DNAH11: variants seen among roughly 807,000 people sequenced by gnomAD.
The protein encoded by DNAH11 is dynein axonemal heavy chain 11, also known as axonemal beta dynein heavy chain 11.
Under a neutral mutation model 526.0 loss-of-function variants are expected in DNAH11, and 442 were observed. The ratio of observed to expected loss-of-function variants is 0.84; its 90% confidence interval spans 0.78 to 0.91. DNAH11 has a LOEUF of 0.91. Among genes scored for constraint, DNAH11 ranks in the 40% least tolerant of loss-of-function variants. The pLI is 0.00. For synonymous variants in DNAH11, 2,461 were observed against 1,935.9 expected (o/e 1.27, Z -7.12); for missense variants, 6,989 against 5,448.7 (o/e 1.28, Z -8.90).
rs375965591 is a variant in DNAH11, at chr7:21,842,553, G to C, written c.10701G>C (p.Arg3567Ser). The change falls in exon 66 of 82, where the codon AGG becomes AGC. Residue 3567 changes from arginine to serine, a missense_variant. Physicochemically the swap from Arg to Ser is moderately radical, Grantham distance 110 (BLOSUM62 -1). Coordinates refer to ENST00000409508, the MANE Select transcript of DNAH11 (RefSeq NM_001277115.2). ...GTTTTGCTCCGTTTAGGTATATCAGGATTGGAGATAAAGAATGTGAATTTA... is the reference window on the plus strand; with the variant it reads ...GTTTTGCTCCGTTTAGGTATATCAGCATTGGAGATAAAGAATGTGAATTTA... ...RNTIKKGKYI[R>S]IGDKECEFNK... The C allele has an allele frequency of 3.1e-6, 5 of 1,613,684 alleles. No homozygotes were observed. Among genetic ancestry groups the C allele is most frequent in the African/African-American group, 2.7e-5 (2 of 74,930 alleles).
At chr7:21,673,640 C>G (rs1306238669) in intron 30 of DNAH11, among the ~76,000 whole-genome samples, 1 of 152,162 alleles carries the variant, frequency 6.6e-6, no homozygotes, top group Non-Finnish European at 1.5e-5. Context: ...GTTTCTCGCT[C>G]TTGCTCATTC....
At chr7:21,740,800 A>G (rs1401553768) in intron 48 of DNAH11, among the ~76,000 whole-genome samples, 1 of 152,180 alleles carries the variant, frequency 6.6e-6, no homozygotes, top group Middle Eastern at 3.2e-3. Flanking sequence ...GAATCATCAT[A>G]CTGTTTTCCA....
At chr7:21,742,955 T>A (rs1196959080) in intron 49 of DNAH11, among the ~76,000 whole-genome samples, 1 of 152,164 alleles carries the variant, frequency 6.6e-6, no homozygotes, top group Admixed American at 6.5e-5. Flanking sequence ...GGTCTCTGCT[T>A]CCAAAATGGT....
intron 8 of DNAH11, among the ~76,000 whole-genome samples, chr7:21,576,135 C>A (rs1032394266): frequency 6.6e-6 from 1 of 151,890 alleles, no homozygotes. Context: ...TACCTGCCAG[C>A]GATGGAGATT....
At chr7:21,796,349 C>T (rs1788714002) in intron 61 of DNAH11, among the ~76,000 whole-genome samples, 1 of 152,038 alleles carries the variant, frequency 6.6e-6, no homozygotes. Flanking sequence ...TGCAGTTGGG[C>T]ACAGGAGGGA....
intron 79 of DNAH11, among the ~76,000 whole-genome samples, chr7:21,897,096 C>T (rs796669855): frequency 9.9e-5 from 15 of 152,124 alleles, no homozygotes; most frequent in African/African-American, 3.6e-4. Flanking sequence ...TATATTTCAT[C>T]GTCCATAATT....
chr7:21,654,003 A>T lies in DNAH11; in HGVS notation c.4945-1829A>T, dbSNP rs535265901. ...AACTGCACTTCCAGAAAAGTTTGTTACAGCAGTGGCGCCTGTATGCTTGGA... is the reference window on the plus strand; with the variant it reads ...AACTGCACTTCCAGAAAAGTTTGTTTCAGCAGTGGCGCCTGTATGCTTGGA... On this transcript the variant is annotated intron_variant, in intron 28 of 81. Transcript: ENST00000409508. Among the ~76,000 whole-genome samples, 10 of 152,290 alleles carry T rather than the reference A, an allele frequency of 6.6e-5. No individual in the cohort carries two copies. The East Asian group carries it at 1.9e-3, about 29-fold the overall frequency.
rs114850986 is a variant in DNAH11 at position 21,781,578 on chromosome 7, A to G, written c.9483+2474A>G. On this transcript the variant is annotated intron_variant, in intron 57 of 81. Coordinates refer to ENST00000409508, the MANE Select transcript of DNAH11 (RefSeq NM_001277115.2). ...GAGGCGCCTTCTAAATTGAAGCGCTAATATCATCTCTTCAAAAGTTGAGCA... is the reference window on the plus strand; with the variant it reads ...GAGGCGCCTTCTAAATTGAAGCGCTGATATCATCTCTTCAAAAGTTGAGCA... Among the ~76,000 whole-genome samples the G allele has an allele frequency of 9.7e-3, 1,479 of 152,316 alleles. 25 individuals are homozygous for G. Among genetic ancestry groups the G allele is most frequent in the African/African-American group, 0.034 (1,402 of 41,562 alleles).
At chr7:21,682,556 G>A (rs1175238395) in intron 31 of DNAH11, among the ~76,000 whole-genome samples, 1 of 150,148 alleles carries the variant, frequency 6.7e-6, no homozygotes, top group Admixed American at 6.6e-5. Flanking sequence ...AAAAATTTCT[G>A]TGTGTCTTTA....
intron 54 of DNAH11, among the ~76,000 whole-genome samples, chr7:21,753,667 T>C (rs1250883086): frequency 6.6e-6 from 1 of 152,206 alleles, no homozygotes; most frequent in Non-Finnish European, 1.5e-5. Context: ...AAATTCTCTG[T>C]TCTCTTTTCT....
chr7:21,818,471 A>T (rs906755553), intron 65 of DNAH11, 132 bp downstream of exon 65: 1 of 907,836 alleles, frequency 1.1e-6, no homozygotes, highest in Non-Finnish European at 1.6e-6. Flanking sequence ...ATGCACCTAC[A>T]CTCCAAGACC....
At chr7:21,702,364 C>T (rs1367526250) in intron 36 of DNAH11, among the ~76,000 whole-genome samples, 1 of 152,012 alleles carries the variant, frequency 6.6e-6, no homozygotes. Flanking sequence ...AAATGTGCTT[C>T]TGGTTGGAGG....
In DNAH11 at chr7:21,720,731, T is replaced by C; in HGVS notation, c.7141T>C (p.Cys2381Arg). The change falls in exon 44 of 82, where the codon TGT (cysteine) becomes CGT (arginine). Residue 2381 changes from cysteine to arginine, a missense_variant. Cys to Arg is a radical substitution (Grantham distance 180). Coordinates refer to ENST00000409508, the MANE Select transcript of DNAH11 (RefSeq NM_001277115.2). The part of the protein sequence containing the change: ...IPESSLVQTL[C>R]VLLECLLTPE... ...ACTATTTCTTTTTCTTTAGACTCTA[T>C]GTGTTCTTTTGGAGTGCTTGCTGAC... 1 of 1,571,042 alleles carries C rather than the reference T, an allele frequency of 6.4e-7. No homozygotes were observed. Among genetic ancestry groups the C allele is most frequent in the Non-Finnish European group, 8.6e-7 (1 of 1,156,750 alleles).
At chr7:21,742,419 A>G (rs1785947641) in intron 49 of DNAH11, among the ~76,000 whole-genome samples, 1 of 152,148 alleles carries the variant, frequency 6.6e-6, no homozygotes, top group African/African-American at 2.4e-5. Flanking sequence ...TTGCATGGCA[A>G]GAGCAGGAGC....
At chr7:21,697,883 T>C (rs1783916668) in intron 35 of DNAH11, among the ~76,000 whole-genome samples, 192 bp from the exon 36 acceptor site, 1 of 152,158 alleles carries the variant, frequency 6.6e-6, no homozygotes, top group South Asian at 2.1e-4. Flanking sequence ...CTTTCTATCA[T>C]TTTTTGTGTC....
intron 68 of DNAH11, 71 bp from the exon 69 acceptor site, chr7:21,861,782 C>A: frequency 6.4e-7 from 1 of 1,573,846 alleles, no homozygotes; most frequent in Non-Finnish European, 8.6e-7. Flanking sequence ...AACTGTTGCC[C>A]TGTGTATCGG....
rs142787004 is a variant in DNAH11, at chr7:21,692,829, A to G, written c.6041+1948A>G. 6.0e-3 allele frequency among the ~76,000 whole-genome samples: 919 copies of G among 152,324 alleles called. 9 individuals carry two copies. Among genetic ancestry groups the G allele is most frequent in the African/African-American group, 0.021 (853 of 41,576 alleles). On this transcript the variant is annotated intron_variant, in intron 35 of 81. Transcript: ENST00000409508. Reference sequence around the variant, plus strand: ...CTAGTTGCTCACATTCTTGTCAAAAATTGATACTGTCAGCCTTTTTTATTT... The same window carrying G: ...CTAGTTGCTCACATTCTTGTCAAAAGTTGATACTGTCAGCCTTTTTTATTT...
At chr7:21,863,368 G>A (rs7804758) in intron 69 of DNAH11, among the ~76,000 whole-genome samples, 15,568 of 152,100 alleles carry the variant, frequency 0.1, 2,660 homozygotes, top group African/African-American at 0.35. Flanking sequence ...TCGCTGTGTC[G>A]CCAGGCTGGG....
At chr7:21,846,658 G>A (rs544325479) in intron 66 of DNAH11, among the ~76,000 whole-genome samples, 11 of 152,148 alleles carry the variant, frequency 7.2e-5, no homozygotes, top group South Asian at 6.2e-4. Context: ...ATATCGGTCC[G>A]TAGTTGTTTT....
Sources: allele counts gnomAD v4.1 joint callset (sites outside exome capture counted in the v4.1 genomes callset), GRCh38; gene constraint gnomAD v4.1.1; transcripts MANE v1.5; gene names NCBI Gene and HGNC (gene_info 2026-07-23, HGNC 2026-07-21).